Variants in CA6 observed in about 807,000 individuals in gnomAD.
The protein encoded by CA6 is carbonate dehydratase VI.
In CA6, 28 loss-of-function variants were observed where a neutral mutation model predicts 35.9. That is an observed-to-expected ratio of 0.78 (90% CI 0.58 to 1.07). The LOEUF is 1.07. Ranked by LOEUF, CA6 falls within the 50% of genes least tolerant of loss-of-function variation. The pLI, the probability that CA6 is intolerant of heterozygous loss-of-function variation, is 0.00. For missense variants in CA6, 377 were observed against 382.0 expected, an observed-to-expected ratio of 0.99 and a Z score of 0.11; for synonymous variants, 148 against 152.6, an observed-to-expected ratio of 0.97 and a Z score of 0.22.
rs760288228 is a variant in CA6 at position 8,949,434 on chromosome 1, G to A, written c.251G>A (p.Gly84Asp). 1 of 1,612,086 alleles carries A rather than the reference G, an allele frequency of 6.2e-7. No homozygotes were observed. The highest frequency in any genetic ancestry group is 1.1e-5 in the South Asian group (1 of 90,828). Residue 84 changes from glycine to aspartate, a missense_variant, in exon 2 of 8, where the codon GGC becomes GAC. By Grantham distance (94) the Gly-to-Asp change is moderately conservative. Coordinates refer to ENST00000377443, the MANE Select transcript of CA6 (RefSeq NM_001215.4). ...QAGEFPMVNN[G>D]HTVQISLPST... ...GGGGAGTTCCCCATGGTCAACAATG[G>A]CCACACAGGTAAGAGGAAGGGGTGG...
chr1:8,967,881 C>T, intron 6 of CA6, 65 bp downstream of exon 6: 1 of 1,497,978 alleles, frequency 6.7e-7, no homozygotes, highest in South Asian at 1.2e-5. Flanking sequence ...AGGGTTCTCC[C>T]CAGCATCTCA....
chr1:8,960,789 C>CACACACACACACACATATATATATAT (rs59987426), intron 4 of CA6, among the ~76,000 whole-genome samples: 3 of 116,874 alleles, frequency 2.6e-5, no homozygotes, highest in Non-Finnish European at 5.4e-5. Context: ...CACACACACA[C>CACACACACACACACATATATATATAT]ATATATATAA....
rs1640005677 is a variant in CA6 at position 8,967,707 on chromosome 1, G to A, written c.620G>A (p.Arg207Lys). 2 of 1,614,044 alleles carry A rather than the reference G, an allele frequency of 1.2e-6. No homozygotes were observed. The highest frequency in any genetic ancestry group is 1.1e-5 in the South Asian group (1 of 91,080). Reference sequence around the variant, plus strand: ...CTTGACGTTCAGGACATGCTGCCCAGGAACCTCCAGCACTACTACACCTAC... The same window carrying A: ...CTTGACGTTCAGGACATGCTGCCCAAGAACCTCCAGCACTACTACACCTAC... ...TGLDVQDMLP[R>K]NLQHYYTYHG... Residue 207 changes from arginine to lysine, a missense_variant, in exon 6 of 8, where the codon AGG (arginine) becomes AAG (lysine). Transcript: ENST00000377443.
At chr1:8,960,709 C>T (rs564284539) in intron 4 of CA6, among the ~76,000 whole-genome samples, 2 of 150,048 alleles carry the variant, frequency 1.3e-5, no homozygotes, top group East Asian at 3.9e-4. Context: ...AATGAACAGC[C>T]TTGCAGACTC....
Position 8,963,863 on chromosome 1 carries a change from T to G in CA6, c.571+1207T>G, listed in dbSNP as rs1639904102. On this transcript the variant is annotated intron_variant, in intron 5 of 7. Coordinates refer to ENST00000377443, the MANE Select transcript of CA6 (RefSeq NM_001215.4). This position sits in a 1 kb window ranked among gnomAD's most constrained non-coding sequence, Gnocchi z 4.1. ...GCCAACTGGTATTATTTTTTATTCA[T>G]AGCTACAAATATGAACAGTGCCCAG... Among the ~76,000 whole-genome samples, 1 of 152,184 alleles carries G rather than the reference T, an allele frequency of 6.6e-6. No homozygotes were observed. The highest frequency in any genetic ancestry group is 1.5e-5 in the Non-Finnish European group (1 of 68,028).
At chr1:8,962,278 G>A (rs1639861221) in intron 4 of CA6, among the ~76,000 whole-genome samples, 1 of 151,066 alleles carries the variant, frequency 6.6e-6, no homozygotes, top group South Asian at 2.1e-4. Context: ...ACAAAAACAA[G>A]CGCACAGGGG....
chr1:8,955,643 G>A (rs1192527901), intron 2 of CA6, among the ~76,000 whole-genome samples: 1 of 150,446 alleles, frequency 6.6e-6, no homozygotes, highest in Non-Finnish European at 1.5e-5. Flanking sequence ...GCCCTTCCAC[G>A]CCTCCTTTTA....
chr1:8,949,322 C>G lies in CA6; in HGVS notation c.139C>G (p.Gln47Glu). 1 of 1,613,370 alleles carries G rather than the reference C, an allele frequency of 6.2e-7. No individual in the cohort carries two copies. Among genetic ancestry groups the G allele is most frequent in the Non-Finnish European group, 8.5e-7 (1 of 1,179,576 alleles). Reference protein sequence around the residue: ...QHYPACGGQRQSPINLQRTKV... With the variant: ...QHYPACGGQRESPINLQRTKV... ...CTACCCCGCCTGTGGGGGCCAGAGACAGTCGCCTATCAACCTACAGAGGAC... is the reference window on the plus strand; with the variant it reads ...CTACCCCGCCTGTGGGGGCCAGAGAGAGTCGCCTATCAACCTACAGAGGAC... The change falls in exon 2 of 8, where the codon CAG becomes GAG. Residue 47 changes from glutamine (Q) to glutamate (E), a missense_variant. Transcript: ENST00000377443.
intron 2 of CA6, among the ~76,000 whole-genome samples, chr1:8,955,519 T>C (rs1417235325): frequency 1.3e-5 from 2 of 148,266 alleles, no homozygotes; most frequent in Non-Finnish European, 3.0e-5. Flanking sequence ...TGTGAGGACC[T>C]CTCTCATTTC....
chr1:8,949,406 G>A lies in CA6; in HGVS notation c.223G>A (p.Ala75Thr). ...GLNMTGYETQ[A>T]GEFPMVNNGH... ...CAATATGACAGGCTATGAGACCCAG[G>A]CAGGGGAGTTCCCCATGGTCAACAA... The change falls in exon 2 of 8, where the codon GCA (alanine) becomes ACA (threonine). Residue 75 changes from alanine to threonine, a missense_variant. By Grantham distance (58) the Ala-to-Thr change is moderately conservative. Coordinates refer to ENST00000377443, the MANE Select transcript of CA6 (RefSeq NM_001215.4). The A allele has an allele frequency of 6.2e-7, 1 of 1,613,342 alleles. No homozygotes were observed.
intron 1 of CA6, among the ~76,000 whole-genome samples, chr1:8,946,564 G>C (rs1025123230): frequency 1.3e-5 from 2 of 152,014 alleles, no homozygotes. Flanking sequence ...CACAGTGTTG[G>C]CTGGTTCAAA....
In CA6 at chr1:8,971,678, C is replaced by T. The variant is rs142802475; in HGVS notation, c.844+697C>T. Among the ~76,000 whole-genome samples, 149 of 152,248 alleles carry T rather than the reference C, an allele frequency of 9.8e-4. 1 individual carries two copies. Among genetic ancestry groups the T allele is most frequent in the African/African-American group, 3.5e-3 (144 of 41,540 alleles). Reference sequence around the variant, plus strand: ...CTTGATCATAGTCTGTGTTATGAACCCACCCCCAACGCCTCCTATACATTC... The same window carrying T: ...CTTGATCATAGTCTGTGTTATGAACTCACCCCCAACGCCTCCTATACATTC... On this transcript the variant is annotated intron_variant, in intron 7 of 7. Transcript: ENST00000377443.
intron 2 of CA6, among the ~76,000 whole-genome samples, chr1:8,950,428 C>T (rs1639500673): frequency 6.6e-6 from 1 of 152,106 alleles, no homozygotes; most frequent in Admixed American, 6.6e-5. Context: ...TCGAGGGACT[C>T]ACCCAAGGCC....
At chr1:8,946,541 A>T (rs1157408526) in intron 1 of CA6, among the ~76,000 whole-genome samples, 2 of 152,114 alleles carry the variant, frequency 1.3e-5, no homozygotes, top group South Asian at 2.1e-4. Flanking sequence ...TTTGCTTTAA[A>T]TTTTTTTCCA....
chr1:8,966,346 G>A lies in CA6; in HGVS notation c.572-1313G>A, dbSNP rs942129099. 5.9e-4 allele frequency among the ~76,000 whole-genome samples: 90 copies of A among 152,206 alleles called. 1 individual carries two copies. Among genetic ancestry groups the A allele is most frequent in the African/African-American group, 2.1e-3 (88 of 41,542 alleles). ...GCTGGTCTCAAACTCCTGACCTCAG[G>A]TGATCCACCCGCCTCGGCCTCCCAA... On this transcript the variant is annotated intron_variant, in intron 5 of 7. Transcript: ENST00000377443.
intron 7 of CA6, chr1:8,974,363 G>A (rs1307683109): frequency 5.2e-6 from 8 of 1,525,212 alleles, no homozygotes; most frequent in Non-Finnish European, 7.0e-6. Flanking sequence ...GCCACGGGGG[G>A]CATCGTGGGA....
At chr1:8,953,010 A>ATT in intron 2 of CA6, among the ~76,000 whole-genome samples, 2 of 152,320 alleles carry the variant, frequency 1.3e-5, no homozygotes, top group South Asian at 4.1e-4. Flanking sequence ...CAGTGTCATG[A>ATT]AAATCCTGTG....
chr1:8,949,969 G>A (rs1430337433), intron 2 of CA6, among the ~76,000 whole-genome samples: 4 of 152,016 alleles, frequency 2.6e-5, no homozygotes, highest in Non-Finnish European at 4.4e-5. Context: ...AATCCGATAT[G>A]AGAAACTGTA....
chr1:8,973,998 A>AT (rs913593606), intron 7 of CA6, among the ~76,000 whole-genome samples: 53 of 151,790 alleles, frequency 3.5e-4, no homozygotes, highest in African/African-American at 1.2e-3. Flanking sequence ...TAATTTTTGT[A>AT]TTTTTTTGTA....
Sources: allele counts gnomAD v4.1 joint callset (sites outside exome capture counted in the v4.1 genomes callset), GRCh38; gene constraint gnomAD v4.1.1; non-coding constraint Gnocchi (gnomAD v3.1); transcripts MANE v1.5; gene names NCBI Gene and HGNC (gene_info 2026-07-23, HGNC 2026-07-21).